AHRR: variants seen among roughly 807,000 people sequenced by gnomAD.
The protein encoded by AHRR is ahR repressor.
In AHRR, 28 loss-of-function variants were observed where a neutral mutation model predicts 44.0. The ratio of observed to expected loss-of-function variants is 0.64; its 90% CI spans 0.47 to 0.87. The LOEUF (loss-of-function observed/expected upper bound fraction) is 0.87, where lower values mean the gene tolerates loss of function less well. Ranked by LOEUF, AHRR falls within the 40% of genes least tolerant of loss-of-function variation. The pLI is 0.00. For missense variants in AHRR, 990 were observed against 953.9 expected (o/e 1.04, Z -0.50); for synonymous variants, 434 against 407.0 (o/e 1.07, Z -0.80).
intron 4 of AHRR, among the ~76,000 whole-genome samples, chr5:385,353 T>G (rs11750580): frequency 0.099 from 15,077 of 152,046 alleles, 1,027 homozygotes; most frequent in Admixed American, 0.13. Flanking sequence ...TTTTAAATTT[T>G]CTGTAGAGAT....
At chr5:412,736 T>C (rs1049982706) in intron 4 of AHRR, among the ~76,000 whole-genome samples, 57 of 115,946 alleles carry the variant, frequency 4.9e-4, no homozygotes, top group Middle Eastern at 4.7e-3. Flanking sequence ...TTTTTTTTTT[T>C]CTGAGACAGA....
Position 414,129 on chromosome 5 carries a change from GGCGT to G in AHRR, c.441+699_441+702del, listed in dbSNP as rs1735596472. ...AATACAAAAATTAGCTGGGTGTGGTGGCGTGCACCCGTAGTCCCAGCTACTAGGG... is the reference window on the plus strand; with the variant it reads ...AATACAAAAATTAGCTGGGTGTGGTGGCACCCGTAGTCCCAGCTACTAGGG... On this transcript the variant is annotated intron_variant, in intron 5 of 10. Transcript: ENST00000684583. Among the ~76,000 whole-genome samples the G allele has an allele frequency of 2.6e-5, 4 of 152,292 alleles. No individual in the cohort carries two copies. In the South Asian group the frequency reaches 6.2e-4, roughly 24 times the overall value.
At position 414,817 on chromosome 5, in the gene AHRR, CTG is replaced by C. The variant is rs546371833; in HGVS notation, c.441+1387_441+1388del. 1.2e-4 allele frequency among the ~76,000 whole-genome samples: 19 copies of C among 152,256 alleles called. 1 individual carries two copies. Among genetic ancestry groups the C allele is most frequent in the African/African-American group, 4.6e-4 (19 of 41,464 alleles). ...TTAGGGTTCAGTCTGGAGACAGAAA[CTG>C]TGCAGAAATTTGAACAGTTTTATAG... On this transcript the variant is annotated intron_variant, in intron 5 of 10. Transcript: ENST00000684583.
rs1734678929 is a variant in AHRR, at chr5:395,835, T to C, written c.352-17509T>C. On this transcript the variant is annotated intron_variant, in intron 4 of 10. Coordinates refer to ENST00000684583, the MANE Select transcript of AHRR (RefSeq NM_001377236.1). This position sits in a 1 kb window ranked among gnomAD's most constrained non-coding sequence, Gnocchi z 5.3. ...CTGTGAGGGACCCTTTGGGAGAGGA[T>C]TGAGTGAGGGGAACAGGAGGTGAAG... Among the ~76,000 whole-genome samples, 1 of 152,130 alleles carries C rather than the reference T, an allele frequency of 6.6e-6. No individual in the cohort carries two copies. The highest frequency in any genetic ancestry group is 2.1e-4 in the South Asian group (1 of 4,822).
intron 4 of AHRR, among the ~76,000 whole-genome samples, chr5:399,269 C>T (rs558661236): frequency 6.6e-6 from 1 of 152,314 alleles, no homozygotes; most frequent in South Asian, 2.1e-4. Context: ...CCCCAACCAC[C>T]AGGACCCCGG....
In AHRR at chr5:432,864, A is replaced by C; in HGVS notation, c.1029A>C (p.Arg343=). Residue 343 remains arginine, a synonymous_variant, in exon 10 of 11, where the codon CGA becomes CGC. Transcript: ENST00000684583. ...TCAGGGAACAGACTGACGCTGGCCG[A>C]TGGGCACAGGTTCCCGCCAGGGCCC... The part of the protein sequence containing the change: ...LVLREQTDAG[R]WAQVPARAPC... 1 of 1,613,794 alleles carries C rather than the reference A, an allele frequency of 6.2e-7. No individual in the cohort carries two copies. The highest frequency in any genetic ancestry group is 1.1e-5 in the South Asian group (1 of 91,082).
intron 4 of AHRR, among the ~76,000 whole-genome samples, chr5:401,087 T>C (rs1734996490): frequency 6.6e-6 from 1 of 152,160 alleles, no homozygotes; most frequent in Non-Finnish European, 1.5e-5. Context: ...GCAACTCTGT[T>C]CCCTTTCAGC....
rs1734244499 is a variant in AHRR, at chr5:388,127, T to C, written c.351+11411T>C. Among the ~76,000 whole-genome samples the C allele has an allele frequency of 6.6e-6, 1 of 152,202 alleles. No homozygotes were observed. Among genetic ancestry groups the C allele is most frequent in the South Asian group, 2.1e-4 (1 of 4,830 alleles). On this transcript the variant is annotated intron_variant, in intron 4 of 10. Coordinates refer to ENST00000684583, the MANE Select transcript of AHRR (RefSeq NM_001377236.1). This position sits in a 1 kb window ranked among gnomAD's most constrained non-coding sequence, Gnocchi z 5.2. ...ATGTCCCAATACAGGAAGGTCACAT[T>C]CATGGGTTTGGAAGGAAATGAATTT...
chr5:333,955 A>T (rs1235306786), intron 1 of AHRR, among the ~76,000 whole-genome samples: 6 of 152,032 alleles, frequency 3.9e-5, no homozygotes, highest in Admixed American at 3.9e-4. Context: ...GAAAGACTTT[A>T]TTTCTCCTTC....
chr5:421,902 A>G (rs778039108), intron 5 of AHRR, among the ~76,000 whole-genome samples: 6 of 152,198 alleles, frequency 3.9e-5, no homozygotes, highest in East Asian at 1.9e-4. Flanking sequence ...GTTAGGAAGA[A>G]CCACTTGGTT....
At position 370,433 on chromosome 5, in the gene AHRR, G is replaced by A. The variant is rs1247227974; in HGVS notation, c.245-6177G>A. Among the ~76,000 whole-genome samples, 2 of 152,214 alleles carry A rather than the reference G, an allele frequency of 1.3e-5. No individual in the cohort carries two copies. Among genetic ancestry groups the A allele is most frequent in the African/African-American group, 2.4e-5 (1 of 41,462 alleles). On this transcript the variant is annotated intron_variant, in intron 3 of 10. Coordinates refer to ENST00000684583, the MANE Select transcript of AHRR (RefSeq NM_001377236.1). This position sits in a 1 kb window ranked among gnomAD's most constrained non-coding sequence, Gnocchi z 4.5. ...CCCATCCAACTCCTGGACGGGAGAG[G>A]TGTCGTAAGGGTCCCTCAGGAGGGA...
chr5:434,846 C>T lies in AHRR; in HGVS notation c.*12C>T. 1 of 1,535,312 alleles carries T rather than the reference C, an allele frequency of 6.5e-7. No individual in the cohort carries two copies. The highest frequency in any genetic ancestry group is 8.8e-7 in the Non-Finnish European group (1 of 1,136,392). ...CATTCCTGCCATAGCGCAGTGACCA[C>T]CATCCAAGCTCAGATCTGTGTGTCT... On this transcript the variant is annotated 3_prime_UTR_variant, in exon 11 of 11. Coordinates refer to ENST00000684583, the MANE Select transcript of AHRR (RefSeq NM_001377236.1).
rs1471557234 is a variant in AHRR, at chr5:342,324, G to A, written c.-10-1569G>A. Among the ~76,000 whole-genome samples the A allele has an allele frequency of 1.3e-5, 2 of 152,146 alleles. No homozygotes were observed. The highest frequency in any genetic ancestry group is 2.9e-5 in the Non-Finnish European group (2 of 68,026). On this transcript the variant is annotated intron_variant, in intron 1 of 10. Coordinates refer to ENST00000684583, the MANE Select transcript of AHRR (RefSeq NM_001377236.1). The surrounding 1 kb of genome is among the most constrained non-coding windows in gnomAD (Gnocchi z 4.3). ...TTGATTTTATTAGTTTTTGCTTCATGTGTTTTGAAGCTCCATTGCTAGGTA... is the reference window on the plus strand; with the variant it reads ...TTGATTTTATTAGTTTTTGCTTCATATGTTTTGAAGCTCCATTGCTAGGTA...
intron 3 of AHRR, chr5:367,722 C>A (rs908829287): frequency 3.1e-6 from 2 of 638,540 alleles, no homozygotes; most frequent in Non-Finnish European, 5.7e-6. Context: ...TGCCCTGACA[C>A]CACCCCCTCT....
chr5:359,415 T>A (rs1743092274), intron 3 of AHRR, among the ~76,000 whole-genome samples: 1 of 151,314 alleles, frequency 6.6e-6, no homozygotes, highest in African/African-American at 2.4e-5. Context: ...AGTCACGGAG[T>A]CCACCCAGGC....
At chr5:322,200 C>G (rs1741520553) in intron 1 of AHRR, among the ~76,000 whole-genome samples, 1 of 152,098 alleles carries the variant, frequency 6.6e-6, no homozygotes, top group Non-Finnish European at 1.5e-5. Flanking sequence ...CGGGGGGCCT[C>G]ACCCCCGGGA....
In AHRR at chr5:337,615, T is replaced by A. The variant is rs566337693; in HGVS notation, c.-10-6278T>A. On this transcript the variant is annotated intron_variant, in intron 1 of 10. Transcript: ENST00000684583. This position sits in a 1 kb window ranked among gnomAD's most constrained non-coding sequence, Gnocchi z 4.1. The stretch of plus-strand genomic sequence containing the variant: ...GCGTTTTATATTTTAAATTTTTTTT[T>A]ATTTGAATTGAGAAACTTTAATGTT... 8.3e-4 allele frequency among the ~76,000 whole-genome samples: 127 copies of A among 152,318 alleles called. No individual in the cohort carries two copies. The highest frequency in any genetic ancestry group is 1.4e-3 in the Non-Finnish European group (93 of 68,030).
At chr5:422,610 C>T in intron 5 of AHRR, 119 bp from the exon 6 acceptor site, 1 of 1,372,886 alleles carries the variant, frequency 7.3e-7, no homozygotes, top group Non-Finnish European at 1.0e-6. Context: ...GGATTCTCTC[C>T]CTGTGGCTGT....
chr5:418,643 C>T (rs1735936041), intron 5 of AHRR: 1 of 143,472 alleles, frequency 7.0e-6, no homozygotes, highest in Admixed American at 6.8e-5. Flanking sequence ...CAGGGGTCTA[C>T]AAAGCTCAGG....
Sources: gnomAD v4.1 joint callset for allele counts (sites outside exome capture counted in the v4.1 genomes callset) on GRCh38, gnomAD v4.1.1 for gene constraint, Gnocchi (gnomAD v3.1) non-coding constraint, MANE v1.5 for transcripts, NCBI Gene and HGNC (gene_info 2026-07-23, HGNC 2026-07-21) for gene names.